Variants in ASCC2 observed in about 807,000 individuals in gnomAD.
ASCC2 encodes activating signal cointegrator 1 complex subunit 2, also known as ASC-1 complex subunit P100.
ASCC2 carries 42 observed loss-of-function variants against 93.5 expected under a neutral mutation model. The ratio of observed to expected loss-of-function variants is 0.45; its 90% CI spans 0.35 to 0.58. The LOEUF is 0.58. ASCC2 is among the 20% of genes least tolerant of loss of function. The pLI is 0.00. For synonymous variants in ASCC2, 364 were observed against 384.2 expected (o/e 0.95, Z 0.62); for missense variants, 859 against 977.6 (o/e 0.88, Z 1.62).
intron 1 of ASCC2, chr22:29,834,684 C>A: frequency 2.6e-6 from 1 of 388,778 alleles, no homozygotes; most frequent in Non-Finnish European, 5.2e-6. Flanking sequence ...TAGCCTCTCA[C>A]AACAACCCAA....
intron 1 of ASCC2, among the ~76,000 whole-genome samples, chr22:29,834,863 T>G (rs889351036): frequency 2.6e-5 from 4 of 152,166 alleles, no homozygotes; most frequent in African/African-American, 9.7e-5. Context: ...TTTTTTTTTC[T>G]AACCCTCTAG....
chr22:29,790,421 C>T, intron 19 of ASCC2, 48 bp downstream of exon 19: 1 of 1,606,206 alleles, frequency 6.2e-7, no homozygotes, highest in Non-Finnish European at 8.5e-7. Flanking sequence ...TAGGCCCTCC[C>T]CAGATGGTGG....
intron 1 of ASCC2, chr22:29,834,238 A>G: frequency 4.0e-6 from 1 of 247,136 alleles, no homozygotes; most frequent in Non-Finnish European, 8.2e-6. Flanking sequence ...AGTTAAACTT[A>G]GGGGTGAGAC....
At chr22:29,802,515 T>G (rs2059206182) in intron 13 of ASCC2, among the ~76,000 whole-genome samples, 1 of 152,080 alleles carries the variant, frequency 6.6e-6, no homozygotes, top group South Asian at 2.1e-4. Flanking sequence ...TAAAAAAAAT[T>G]TAAGGCCGGG....
intron 5 of ASCC2, among the ~76,000 whole-genome samples, chr22:29,819,840 G>A (rs937240203): frequency 5.3e-5 from 8 of 152,042 alleles, no homozygotes; most frequent in Non-Finnish European, 1.5e-5. Context: ...CTCAATATGT[G>A]GTAAAATTAC....
intron 13 of ASCC2, among the ~76,000 whole-genome samples, chr22:29,804,009 C>G (rs1458408719): frequency 6.6e-6 from 1 of 152,232 alleles, no homozygotes; most frequent in Non-Finnish European, 1.5e-5. Flanking sequence ...GAGTGACGTG[C>G]CTAAGGCCAT....
At chr22:29,792,972 C>A (rs2057951806) in intron 17 of ASCC2, among the ~76,000 whole-genome samples, 1 of 151,954 alleles carries the variant, frequency 6.6e-6, no homozygotes. Context: ...TAGTGAGAAC[C>A]CCACCTCCAC....
intron 12 of ASCC2, 140 bp from the exon 13 acceptor site, chr22:29,804,970 A>C: frequency 3.6e-6 from 3 of 841,578 alleles, no homozygotes; most frequent in Non-Finnish European, 3.7e-6. Flanking sequence ...GCCCACGGGC[A>C]CCTGGGCTGC....
chr22:29,823,782 G>A (rs886888752), intron 4 of ASCC2, among the ~76,000 whole-genome samples: 5 of 151,428 alleles, frequency 3.3e-5, no homozygotes, highest in Admixed American at 6.6e-5. Flanking sequence ...AGGAGGCGGA[G>A]GTTGCAGTGA....
intron 4 of ASCC2, among the ~76,000 whole-genome samples, chr22:29,823,567 G>A (rs1428728702): frequency 1.3e-5 from 2 of 152,210 alleles, no homozygotes; most frequent in Non-Finnish European, 2.9e-5. Context: ...TGTATTTGTG[G>A]CCAGGCGCGA....
At chr22:29,792,270 T>G (rs1489917971) in intron 18 of ASCC2, among the ~76,000 whole-genome samples, 163 bp downstream of exon 18, 1 of 152,068 alleles carries the variant, frequency 6.6e-6, no homozygotes, top group East Asian at 1.9e-4. Flanking sequence ...TCTAAGCCAG[T>G]AGCTCTCCAA....
chr22:29,829,528 C>T (rs1275293946), intron 2 of ASCC2, among the ~76,000 whole-genome samples: 1 of 152,074 alleles, frequency 6.6e-6, no homozygotes, highest in Non-Finnish European at 1.5e-5. Flanking sequence ...CGAGACTAGC[C>T]TGGCCAACAT....
Position 29,823,096 on chromosome 22 carries a change from T to C in ASCC2, c.412-632A>G, listed in dbSNP as rs5997533. 1.0e-3 allele frequency among the ~76,000 whole-genome samples: 152 copies of C among 152,188 alleles called. 1 individual carries two copies. The highest frequency in any genetic ancestry group is 3.6e-3 in the African/African-American group (149 of 41,508). ...CTCTGTTGCCCAGGCTGGAGTGCAGTGGTGCTATCTCGGCTCACTGCAACC... is the reference window on the plus strand; with the variant it reads ...CTCTGTTGCCCAGGCTGGAGTGCAGCGGTGCTATCTCGGCTCACTGCAACC... On this transcript the variant is annotated intron_variant, in intron 4 of 19. Transcript: ENST00000307790.
chr22:29,804,904 G>T (rs2074706), intron 12 of ASCC2, 74 bp from the exon 13 acceptor site: 2 of 1,501,904 alleles, frequency 1.3e-6, no homozygotes, highest in Non-Finnish European at 1.8e-6. Flanking sequence ...TCCCTCCCCA[G>T]CATCTGACCA....
chr22:29,804,660 G>A lies in ASCC2; in HGVS notation c.1331C>T (p.Pro444Leu), dbSNP rs374537193. 40 of 1,613,792 alleles carry A rather than the reference G, an allele frequency of 2.5e-5. No individual in the cohort carries two copies. The highest frequency in any genetic ancestry group is 3.1e-5 in the Non-Finnish European group (37 of 1,179,990). The change falls in exon 13 of 20, where the codon CCG becomes CTG. Residue 444 changes from proline to leucine, a missense_variant. By Grantham distance (98) the Pro-to-Leu change is moderately conservative. Coordinates refer to ENST00000307790, the MANE Select transcript of ASCC2 (RefSeq NM_032204.5). ...TACCTCCTCTTCCTCCGAGTTCTCC[G>A]GATGTGATGATGCTTGACTGACTGC... ...AEAVSQASSH[P>L]ENSEEEECMG...
Position 29,838,228 on chromosome 22 carries a change from G to A in ASCC2, c.-68C>T, listed in dbSNP as rs1568973124. The stretch of plus-strand genomic sequence containing the variant: ...TGCCGCCGCCGCCGCCGCCGCCGCC[G>A]ACCACGGTGACAGCTCCCTGAGCGC... On this transcript the variant is annotated 5_prime_UTR_variant, in exon 1 of 20. Transcript: ENST00000307790. The A allele has an allele frequency of 6.4e-6, 3 of 465,436 alleles. No homozygotes were observed. The highest frequency in any genetic ancestry group is 2.0e-5 in the African/African-American group (1 of 49,154). 28.8% of individuals were successfully genotyped at this position (465,436 alleles called of 1,614,324 possible).
At position 29,806,891 on chromosome 22, in the gene ASCC2, G is replaced by A; in HGVS notation, c.922C>T (p.Leu308=). The change falls in exon 10 of 20, where the codon CTG becomes TTG. Residue 308 remains leucine (L), a synonymous_variant. Transcript: ENST00000307790. ...CTGGAATGGGAGAGCCTCTGCCACA[G>A]GTCACCAAGAAGCCTAGGCCAGAGA... The part of the protein sequence containing the change: ...RLEDSKLLGD[L]WQRLSHSRKK... 1 of 1,613,576 alleles carries A rather than the reference G, an allele frequency of 6.2e-7. No homozygotes were observed. The highest frequency in any genetic ancestry group is 8.5e-7 in the Non-Finnish European group (1 of 1,179,588).
rs752333897 is a variant in ASCC2 at position 29,804,619 on chromosome 22, G to C, written c.1353+19C>G. The stretch of plus-strand genomic sequence containing the variant: ...AGGAGGGACAAGCGAAGAGGGAAAA[G>C]CGCCACTCAGACACATACCTCCTCT... On this transcript the variant is annotated intron_variant, in intron 13 of 19. Transcript: ENST00000307790. 1.1e-5 allele frequency: 17 copies of C among 1,609,996 alleles called. No individual in the cohort carries two copies. Among genetic ancestry groups the C allele is most frequent in the Middle Eastern group, 1.7e-4 (1 of 6,060 alleles).
chr22:29,835,468 G>A (rs1358542182), intron 1 of ASCC2, among the ~76,000 whole-genome samples: 1 of 151,988 alleles, frequency 6.6e-6, no homozygotes, highest in African/African-American at 2.4e-5. Flanking sequence ...TTGCCTGCCA[G>A]GGCAATTCAG....
Sources: gnomAD v4.1 joint callset for allele counts (sites outside exome capture counted in the v4.1 genomes callset) on GRCh38, gnomAD v4.1.1 for gene constraint, MANE v1.5 for transcripts, NCBI Gene and HGNC (gene_info 2026-07-23, HGNC 2026-07-21) for gene names.